ARHGAP44: variants seen among roughly 807,000 people sequenced by gnomAD.
ARHGAP44 encodes Rho GTPase activating protein 44.
A neutral mutation model predicts 106.8 loss-of-function variants in ARHGAP44; 43 were observed. The ratio of observed to expected loss-of-function variants is 0.40; its 90% CI spans 0.32 to 0.52. The LOEUF (loss-of-function observed/expected upper bound fraction) is 0.52, where lower values mean the gene tolerates loss of function less well. Ranked by LOEUF, ARHGAP44 falls within the 20% of genes least tolerant of loss-of-function variation. ARHGAP44 has a pLI of 0.48. For synonymous variants in ARHGAP44, 439 were observed against 410.3 expected, an observed-to-expected ratio of 1.07 and a Z score of -0.85; for missense variants, 866 against 1,050.5, an observed-to-expected ratio of 0.82 and a Z score of 2.43.
chr17:12,863,381 C>T (rs1373509677), intron 1 of ARHGAP44, among the ~76,000 whole-genome samples: 3 of 152,030 alleles, frequency 2.0e-5, no homozygotes, highest in African/African-American at 7.2e-5. Flanking sequence ...TTGTTTTTCC[C>T]TACAATGTGT....
At chr17:12,838,046 T>G (rs1186756372) in intron 1 of ARHGAP44, among the ~76,000 whole-genome samples, 1 of 152,188 alleles carries the variant, frequency 6.6e-6, no homozygotes, top group Non-Finnish European at 1.5e-5. Context: ...CATCTCTCTT[T>G]GATAATAGAT....
chr17:12,838,072 T>G (rs1385839116), intron 1 of ARHGAP44, among the ~76,000 whole-genome samples: 1 of 152,172 alleles, frequency 6.6e-6, no homozygotes, highest in Non-Finnish European at 1.5e-5. Flanking sequence ...GTGGGTTACT[T>G]TACTATTGTT....
intron 1 of ARHGAP44, among the ~76,000 whole-genome samples, chr17:12,806,131 G>A (rs1195654869): frequency 6.6e-6 from 1 of 152,144 alleles, no homozygotes; most frequent in Non-Finnish European, 1.5e-5. Flanking sequence ...AGAAGTATGA[G>A]GGTGGTTAGA....
intron 1 of ARHGAP44, among the ~76,000 whole-genome samples, chr17:12,846,780 G>A (rs886969291): frequency 4.6e-5 from 7 of 152,232 alleles, no homozygotes; most frequent in Admixed American, 1.3e-4. Context: ...ACTATTGACA[G>A]TTACTTCAAC....
intron 16 of ARHGAP44, among the ~76,000 whole-genome samples, chr17:12,961,120 C>A (rs1485991680): frequency 6.6e-6 from 1 of 152,140 alleles, no homozygotes; most frequent in Non-Finnish European, 1.5e-5. Context: ...ATCCTCTCTG[C>A]CAGATCTGGT....
At chr17:12,858,142 A>G (rs2035966793) in intron 1 of ARHGAP44, among the ~76,000 whole-genome samples, 1 of 152,202 alleles carries the variant, frequency 6.6e-6, no homozygotes, top group African/African-American at 2.4e-5. Flanking sequence ...GTATTAGTCC[A>G]TAGTGTGTGG....
At chr17:12,980,378 A>G (rs2143407981) in intron 19 of ARHGAP44, 145 bp downstream of exon 19, 2 of 945,062 alleles carry the variant, frequency 2.1e-6, no homozygotes, top group Non-Finnish European at 3.1e-6. Flanking sequence ...GAGCTTTGGA[A>G]GTTAAAAGGG....
chr17:12,907,336 C>T (rs1047465047), intron 3 of ARHGAP44, among the ~76,000 whole-genome samples: 15 of 152,150 alleles, frequency 9.9e-5, no homozygotes, highest in Non-Finnish European at 1.6e-4. Context: ...GCTTGTCTCT[C>T]CCTCCCTGTA....
intron 1 of ARHGAP44, among the ~76,000 whole-genome samples, chr17:12,867,120 G>C (rs2036257781): frequency 6.6e-6 from 1 of 151,094 alleles, no homozygotes. Context: ...TGAGAGGAGA[G>C]ATCTAGTATG....
At chr17:12,849,293 G>A (rs750231495) in intron 1 of ARHGAP44, among the ~76,000 whole-genome samples, 4 of 151,870 alleles carry the variant, frequency 2.6e-5, no homozygotes, top group Admixed American at 6.6e-5. Flanking sequence ...TATGAAAAGC[G>A]CTGGGTGAAG....
intron 16 of ARHGAP44, among the ~76,000 whole-genome samples, chr17:12,959,332 G>A (rs551795727): frequency 5.3e-5 from 8 of 152,158 alleles, no homozygotes; most frequent in Admixed American, 1.3e-4. Flanking sequence ...ACAGTTTAAC[G>A]TTCCCAGTTT....
chr17:12,946,753 A>G (rs1172926801), intron 10 of ARHGAP44, among the ~76,000 whole-genome samples: 1 of 151,804 alleles, frequency 6.6e-6, no homozygotes, highest in Non-Finnish European at 1.5e-5. Context: ...ATGAGCCGAG[A>G]TCACGCCACT....
At chr17:12,954,871 T>G (rs547162603) in intron 13 of ARHGAP44, among the ~76,000 whole-genome samples, 4 of 152,340 alleles carry the variant, frequency 2.6e-5, no homozygotes, top group African/African-American at 9.6e-5. Context: ...TAAGCTATGA[T>G]TTTCATACCA....
chr17:12,907,648 A>G (rs567508358), intron 3 of ARHGAP44, among the ~76,000 whole-genome samples: 57 of 152,328 alleles, frequency 3.7e-4, no homozygotes, highest in African/African-American at 1.4e-3. Flanking sequence ...ACCATGCAGC[A>G]TTCCCTTTTT....
At position 12,908,893 on chromosome 17, in the gene ARHGAP44, T is replaced by C; in HGVS notation, c.199-4T>C. 1 of 1,601,578 alleles carries C rather than the reference T, an allele frequency of 6.2e-7. No homozygotes were observed. Among genetic ancestry groups the C allele is most frequent in the South Asian group, 1.1e-5 (1 of 87,930 alleles). Reference sequence around the variant, plus strand: ...TTTCATTACAGCATTTGCTTTCTTTTCAGAAAAAGTTGCCTTTGACAACAC... The same window carrying C: ...TTTCATTACAGCATTTGCTTTCTTTCCAGAAAAAGTTGCCTTTGACAACAC... On this transcript the variant is annotated splice_polypyrimidine_tract_variant and splice_region_variant and intron_variant, in intron 3 of 20. Transcript: ENST00000379672.
chr17:12,967,718 G>T (rs2143272020), intron 16 of ARHGAP44, among the ~76,000 whole-genome samples: 1 of 152,194 alleles, frequency 6.6e-6, no homozygotes, highest in East Asian at 1.9e-4. Flanking sequence ...CTTCCCTCTT[G>T]AACCCTGAGC....
chr17:12,801,888 A>G (rs1280351270), intron 1 of ARHGAP44, among the ~76,000 whole-genome samples: 4 of 151,734 alleles, frequency 2.6e-5, no homozygotes, highest in Non-Finnish European at 5.9e-5. Context: ...TTTATTGAAG[A>G]GAGAGAGAAA....
intron 3 of ARHGAP44, among the ~76,000 whole-genome samples, chr17:12,903,216 G>A (rs536553733): frequency 2.0e-5 from 3 of 149,672 alleles, no homozygotes; most frequent in African/African-American, 7.4e-5. Flanking sequence ...ATTAGAATGA[G>A]GCTTATTGTC....
At chr17:12,898,904 C>T (rs745466675) in intron 3 of ARHGAP44, among the ~76,000 whole-genome samples, 26 of 152,136 alleles carry the variant, frequency 1.7e-4, no homozygotes, top group Admixed American at 7.9e-4. Context: ...GGGAGAAGTC[C>T]GCAGTGGAAG....
Sources: allele counts gnomAD v4.1 joint callset (sites outside exome capture counted in the v4.1 genomes callset), GRCh38; gene constraint gnomAD v4.1.1; transcripts MANE v1.5; gene names NCBI Gene and HGNC (gene_info 2026-07-23, HGNC 2026-07-21).